The following NOS1AP variants were observed in gnomAD, a reference collection of about 807,000 sequenced individuals.
The protein encoded by NOS1AP is nitric oxide synthase 1 adaptor protein, also known as carboxyl-terminal PDZ ligand of neuronal nitric oxide synthase protein.
In NOS1AP, 21 loss-of-function variants were observed where a neutral mutation model predicts 56.2. The ratio of observed to expected loss-of-function variants is 0.37; its 90% confidence interval spans 0.26 to 0.54. The LOEUF is 0.54. Among genes scored for constraint, NOS1AP ranks in the 20% least tolerant of loss-of-function variants. NOS1AP has a pLI of 0.84. For missense variants in NOS1AP, 522 were observed against 657.8 expected (o/e 0.79, Z 2.26); for synonymous variants, 270 against 274.6 (o/e 0.98, Z 0.17).
At chr1:162,355,569 GACAC>G (rs1657675630) in intron 7 of NOS1AP, among the ~76,000 whole-genome samples, 1 of 152,124 alleles carries the variant, frequency 6.6e-6, no homozygotes. Flanking sequence ...GCTGATTCCT[GACAC>G]ACATCGCCCT....
intron 2 of NOS1AP, among the ~76,000 whole-genome samples, chr1:162,257,624 G>A (rs1353454361): frequency 2.0e-5 from 3 of 151,620 alleles, no homozygotes; most frequent in Non-Finnish European, 2.9e-5. Flanking sequence ...ACTCCAGCCT[G>A]GGTGACAGAG....
At chr1:162,223,400 G>A (rs1382089388) in intron 2 of NOS1AP, among the ~76,000 whole-genome samples, 1 of 152,120 alleles carries the variant, frequency 6.6e-6, no homozygotes, top group Non-Finnish European at 1.5e-5. Flanking sequence ...CTATAGAATA[G>A]ATTCTGTATT....
intron 2 of NOS1AP, among the ~76,000 whole-genome samples, chr1:162,196,504 G>A (rs543651742): frequency 1.3e-5 from 2 of 152,314 alleles, no homozygotes; most frequent in East Asian, 3.9e-4. Context: ...ATGTTGGGAA[G>A]GATGCACACA....
chr1:162,328,367 A>G (rs2101789569), intron 4 of NOS1AP, among the ~76,000 whole-genome samples: 1 of 152,356 alleles, frequency 6.6e-6, no homozygotes, highest in Middle Eastern at 3.4e-3. Context: ...GGAACTTAAA[A>G]TAAACTTAAG....
chr1:162,260,647 C>T (rs528662413), intron 2 of NOS1AP, among the ~76,000 whole-genome samples: 4 of 152,094 alleles, frequency 2.6e-5, no homozygotes, highest in Admixed American at 6.6e-5. Flanking sequence ...AATGTGGTCC[C>T]GCCCAAAGAG....
At position 162,294,002 on chromosome 1, in the gene NOS1AP, C is replaced by T. The variant is rs558596645; in HGVS notation, c.270+6566C>T. ...CTTTCCTATATCTTTGCTTTCTCAC[C>T]TTCTCACTTTCTGTGTTAGTCTAGG... On this transcript the variant is annotated intron_variant, in intron 3 of 9. Coordinates refer to ENST00000361897, the MANE Select transcript of NOS1AP (RefSeq NM_014697.3). Among the ~76,000 whole-genome samples, 6 of 152,296 alleles carry T rather than the reference C, an allele frequency of 3.9e-5. No homozygotes were observed. In the East Asian group the frequency reaches 1.2e-3, roughly 29 times the overall value.
intron 2 of NOS1AP, among the ~76,000 whole-genome samples, chr1:162,196,998 G>A (rs978958687): frequency 3.3e-5 from 5 of 152,254 alleles, no homozygotes; most frequent in Admixed American, 2.0e-4. Flanking sequence ...GGAGTGGTTC[G>A]AATAGAGTTT....
chr1:162,250,613 G>A (rs901895962), intron 2 of NOS1AP, among the ~76,000 whole-genome samples: 1 of 152,156 alleles, frequency 6.6e-6, no homozygotes, highest in East Asian at 1.9e-4. Context: ...AAAGTGGGGT[G>A]GGGTAAAATG....
At chr1:162,131,777 G>A (rs1192683893) in intron 1 of NOS1AP, among the ~76,000 whole-genome samples, 1 of 151,948 alleles carries the variant, frequency 6.6e-6, no homozygotes, top group African/African-American at 2.4e-5. Context: ...TTAAGATAAA[G>A]AGAGGAGGAG....
chr1:162,294,175 G>A (rs1655365403), intron 3 of NOS1AP, among the ~76,000 whole-genome samples: 1 of 39,098 alleles, frequency 2.6e-5, no homozygotes, highest in Admixed American at 3.0e-4. Context: ...AAGGCAGGTA[G>A]GAAGGAAGGA....
At chr1:162,169,919 T>C (rs918752712) in intron 2 of NOS1AP, among the ~76,000 whole-genome samples, 1 of 152,192 alleles carries the variant, frequency 6.6e-6, no homozygotes, top group African/African-American at 2.4e-5. Context: ...CTTTATGTTT[T>C]TCACTTTCTC....
intron 4 of NOS1AP, among the ~76,000 whole-genome samples, chr1:162,315,449 T>G (rs1230166210): frequency 2.6e-5 from 4 of 152,092 alleles, no homozygotes; most frequent in Non-Finnish European, 5.9e-5. Context: ...CCTGGCACAA[T>G]TGGGAGGAAG....
intron 2 of NOS1AP, among the ~76,000 whole-genome samples, chr1:162,261,933 A>G (rs185482763): frequency 1.3e-5 from 2 of 152,208 alleles, no homozygotes; most frequent in Non-Finnish European, 2.9e-5. Context: ...AGGAAAGACA[A>G]CTCTTATTTT....
intron 7 of NOS1AP, 111 bp downstream of exon 7, chr1:162,355,464 G>A: frequency 7.4e-7 from 1 of 1,360,090 alleles, no homozygotes; most frequent in Admixed American, 1.7e-5. Flanking sequence ...CCATGGCACA[G>A]TGGCGGTGCC....
chr1:162,367,022 C>T lies in NOS1AP; in HGVS notation c.1106-30C>T, dbSNP rs1272475712. The T allele has an allele frequency of 6.2e-7, 1 of 1,613,344 alleles. No homozygotes were observed. Among genetic ancestry groups the T allele is most frequent in the East Asian group, 2.2e-5 (1 of 44,860 alleles). ...AAATCAACAACCTTGCCTAACGCTG[C>T]CCCTCTGCTACCTCTTGTCTCCCCT... On this transcript the variant is annotated intron_variant, in intron 9 of 9. Transcript: ENST00000361897. The surrounding 1 kb of genome is among the most constrained non-coding windows in gnomAD (Gnocchi z 6.5).
chr1:162,334,203 C>T (rs1193213906), intron 5 of NOS1AP, among the ~76,000 whole-genome samples: 4 of 152,200 alleles, frequency 2.6e-5, no homozygotes, highest in African/African-American at 9.6e-5. Context: ...GCTTTGTTAA[C>T]TTAGCCTCTT....
chr1:162,083,731 C>A lies in NOS1AP; in HGVS notation c.105+13449C>A, dbSNP rs541137017. Among the ~76,000 whole-genome samples the A allele has an allele frequency of 1.4e-3, 210 of 152,222 alleles. 1 individual carries two copies. Among genetic ancestry groups the A allele is most frequent in the African/African-American group, 4.9e-3 (202 of 41,530 alleles). On this transcript the variant is annotated intron_variant, in intron 1 of 9. Coordinates refer to ENST00000361897, the MANE Select transcript of NOS1AP (RefSeq NM_014697.3). ...GATGAAGGAAATTACCTGCAAATTC[C>A]TTTGATTAATTACAGCAGGTGTTTT...
At chr1:162,198,776 G>A (rs1265370015) in intron 2 of NOS1AP, among the ~76,000 whole-genome samples, 3 of 152,106 alleles carry the variant, frequency 2.0e-5, no homozygotes, top group East Asian at 1.9e-4. Flanking sequence ...GGAATCAAAC[G>A]GCAGACCAGG....
chr1:162,287,589 A>C lies in NOS1AP; in HGVS notation c.270+153A>C, dbSNP rs1333057352. Among the ~76,000 whole-genome samples the C allele has an allele frequency of 2.0e-5, 3 of 152,258 alleles. No homozygotes were observed. In the South Asian group the frequency reaches 6.2e-4, roughly 32 times the overall value. The stretch of plus-strand genomic sequence containing the variant: ...AGCAGCAATGGTGCTGACAGGCTGC[A>C]GCAGAGTGTAGGGCGAGGCGAGGCC... On this transcript the variant is annotated intron_variant, in intron 3 of 9. Transcript: ENST00000361897.
Sources: allele counts gnomAD v4.1 joint callset (sites outside exome capture counted in the v4.1 genomes callset), GRCh38; gene constraint gnomAD v4.1.1; non-coding constraint Gnocchi (gnomAD v3.1); transcripts MANE v1.5; gene names NCBI Gene and HGNC (gene_info 2026-07-23, HGNC 2026-07-21).